Variants in PRXL2C observed in about 807,000 individuals in gnomAD.
The protein encoded by PRXL2C is peroxiredoxin-like 2C.
Under a neutral mutation model 24.9 loss-of-function variants are expected in PRXL2C, and 38 were observed. The ratio of observed to expected loss-of-function variants is 1.53; its 90% confidence interval spans 1.18 to 2.00. PRXL2C has a LOEUF of 2.00. Among genes scored for constraint, PRXL2C ranks in the 30% most tolerant of loss-of-function variants. The pLI is 0.00. For missense variants in PRXL2C, 294 were observed against 290.9 expected (o/e 1.01, Z -0.08); for synonymous variants, 98 against 117.2 (o/e 0.84, Z 1.06).
chr9:96,646,163 G>T, intron 4 of PRXL2C, 139 bp from the exon 5 acceptor site: 2 of 1,020,712 alleles, frequency 2.0e-6, no homozygotes, highest in Non-Finnish European at 2.8e-6. Context: ...TTTTGGCTCA[G>T]ATCATTCTTT....
chr9:96,643,467 C>T (rs533415339), intron 5 of PRXL2C, among the ~76,000 whole-genome samples: 27 of 152,174 alleles, frequency 1.8e-4, no homozygotes, highest in African/African-American at 6.5e-4. Flanking sequence ...AGGATTGTCT[C>T]GATCTCCCGA....
intron 2 of PRXL2C, among the ~76,000 whole-genome samples, chr9:96,654,001 C>G (rs1588104411): frequency 6.6e-6 from 1 of 152,208 alleles, no homozygotes; most frequent in East Asian, 1.9e-4. Context: ...CCACCAAGCC[C>G]GGGTAATTTT....
intron 2 of PRXL2C, 129 bp from the exon 3 acceptor site, chr9:96,651,841 G>C: frequency 1.5e-6 from 1 of 652,350 alleles, no homozygotes; most frequent in Non-Finnish European, 2.5e-6. Flanking sequence ...GGAATACACA[G>C]CAAAATTGTG....
At chr9:96,644,883 T>A (rs1197607562) in intron 5 of PRXL2C, among the ~76,000 whole-genome samples, 1 of 51,704 alleles carries the variant, frequency 1.9e-5, no homozygotes, top group South Asian at 8.9e-4. Context: ...CATGGATTCT[T>A]TTTTTTTTTT....
chr9:96,655,145 C>A lies in PRXL2C; in HGVS notation c.137G>T (p.Arg46Leu). Residue 46 changes from arginine to leucine, a missense_variant, in exon 1 of 6, where the codon CGG becomes CTG. Arg to Leu is a moderately radical substitution (Grantham distance 102). Transcript: ENST00000375234. ...CCGGAACAGCGCGCCGAACGGTACCCGCTGCCCGCGGGCGTCCAGCACCGG... is the reference window on the plus strand; with the variant it reads ...CCGGAACAGCGCGCCGAACGGTACCAGCTGCCCGCGGGCGTCCAGCACCGG... ...ELPVLDARGQ[R>L]VPFGALFRER... 3 of 1,333,612 alleles carry A rather than the reference C, an allele frequency of 2.2e-6. No homozygotes were observed. Among genetic ancestry groups the A allele is most frequent in the Admixed American group, 3.7e-5 (1 of 26,794 alleles). The allele number at this position is 1,333,612 out of a possible 1,614,324, so 82.6% of individuals were successfully genotyped here.
Position 96,655,287 on chromosome 9 carries a change from G to T in PRXL2C, c.-6C>A. The T allele has an allele frequency of 9.5e-7, 1 of 1,053,176 alleles. No individual in the cohort carries two copies. The highest frequency in any genetic ancestry group is 1.1e-6 in the Non-Finnish European group (1 of 875,472). 65.2% of individuals were successfully genotyped at this position (1,053,176 alleles called of 1,614,324 possible). ...ACCGGGGCCGGCGCGGCCATGACGC[G>T]GGGCGGCCGAGGGCCTGGGTCCGCT... On this transcript the variant is annotated 5_prime_UTR_variant, in exon 1 of 6. Transcript: ENST00000375234.
At chr9:96,655,054 G>T in intron 1 of PRXL2C, 36 bp downstream of exon 1, 1 of 1,458,384 alleles carries the variant, frequency 6.9e-7, no homozygotes, top group South Asian at 1.3e-5. Flanking sequence ...CGGGACCCTG[G>T]GCCGCGCTTC....
chr9:96,653,037 C>T (rs745934383), intron 2 of PRXL2C, among the ~76,000 whole-genome samples: 4 of 152,072 alleles, frequency 2.6e-5, no homozygotes, highest in African/African-American at 4.8e-5. Context: ...ACCATACTGG[C>T]TAACACGGTG....
rs201784050 is a variant in PRXL2C at position 96,651,454 on chromosome 9, G to C, written c.357C>G (p.Val119=). ...TTTTATAAATTTCTCTCTCAGGATC[G>C]ACATAGATTTCATGAGAATATCCAG... ...KLTGYSHEIY[V]DPEREIYKRL... Residue 119 remains valine (V), a synonymous_variant, in exon 4 of 6, where the codon GTC becomes GTG. Transcript: ENST00000375234. 6.2e-7 allele frequency: 1 copy of C among 1,612,420 alleles called. No homozygotes were observed. The highest frequency in any genetic ancestry group is 2.2e-5 in the East Asian group (1 of 44,818).
At chr9:96,650,209 T>G (rs752607703) in intron 4 of PRXL2C, among the ~76,000 whole-genome samples, 1 of 152,172 alleles carries the variant, frequency 6.6e-6, no homozygotes, top group African/African-American at 2.4e-5. Flanking sequence ...TCTCCCAGAG[T>G]AGATGATGAG....
At chr9:96,645,141 C>T (rs1269084922) in intron 5 of PRXL2C, among the ~76,000 whole-genome samples, 7 of 151,162 alleles carry the variant, frequency 4.6e-5, no homozygotes, top group South Asian at 2.1e-4. Context: ...GATCTCCTGA[C>T]CTCGTGATCC....
chr9:96,642,321 A>G (rs770825413), intron 5 of PRXL2C, among the ~76,000 whole-genome samples: 7 of 152,210 alleles, frequency 4.6e-5, no homozygotes, highest in Non-Finnish European at 7.3e-5. Flanking sequence ...TACTGATTTA[A>G]CAGGCTATCT....
intron 4 of PRXL2C, 108 bp from the exon 5 acceptor site, chr9:96,646,132 C>A: frequency 8.1e-7 from 1 of 1,237,730 alleles, no homozygotes; most frequent in Non-Finnish European, 1.1e-6. Flanking sequence ...AGAATGGTTT[C>A]TCAATCTTTT....
intron 4 of PRXL2C, 139 bp from the exon 5 acceptor site, chr9:96,646,163 G>C: frequency 9.8e-7 from 1 of 1,020,714 alleles, no homozygotes; most frequent in Non-Finnish European, 1.4e-6. Flanking sequence ...TTTTGGCTCA[G>C]ATCATTCTTT....
chr9:96,648,754 T>A (rs1353400172), intron 4 of PRXL2C, among the ~76,000 whole-genome samples: 1 of 152,176 alleles, frequency 6.6e-6, no homozygotes, highest in Admixed American at 6.6e-5. Flanking sequence ...AAAGTGAAAC[T>A]CACAGTTTAT....
intron 5 of PRXL2C, among the ~76,000 whole-genome samples, chr9:96,642,895 T>C (rs953099524): frequency 6.6e-6 from 1 of 152,098 alleles, no homozygotes; most frequent in African/African-American, 2.4e-5. Context: ...GAGTTCCGCA[T>C]CCTCATTCAA....
At chr9:96,653,704 TTA>T (rs1420052749) in intron 2 of PRXL2C, among the ~76,000 whole-genome samples, 1 of 152,144 alleles carries the variant, frequency 6.6e-6, no homozygotes, top group African/African-American at 2.4e-5. Context: ...ACACATACAA[TTA>T]TATATGTCAA....
At chr9:96,645,694 G>A (rs1275149545) in intron 5 of PRXL2C, among the ~76,000 whole-genome samples, 199 bp downstream of exon 5, 2 of 151,778 alleles carry the variant, frequency 1.3e-5, no homozygotes, top group Non-Finnish European at 2.9e-5. Context: ...CTACTCGGGA[G>A]GCTGAGGCAG....
chr9:96,646,783 G>A (rs1369812330), intron 4 of PRXL2C, among the ~76,000 whole-genome samples: 1 of 151,996 alleles, frequency 6.6e-6, no homozygotes, highest in Non-Finnish European at 1.5e-5. Context: ...TAGAAAAACC[G>A]TTCTTGAAAA....
Sources: gnomAD v4.1 joint callset for allele counts (sites outside exome capture counted in the v4.1 genomes callset) on GRCh38, gnomAD v4.1.1 for gene constraint, MANE v1.5 for transcripts, NCBI Gene and HGNC (gene_info 2026-07-23, HGNC 2026-07-21) for gene names.